STXBP5: variants seen among roughly 807,000 people sequenced by gnomAD.
STXBP5 encodes syntaxin-binding protein 5.
A neutral mutation model predicts 152.4 loss-of-function variants in STXBP5; 50 were observed. That is an observed-to-expected ratio of 0.33 (90% CI 0.26 to 0.42). The LOEUF is 0.42. Among genes scored for constraint, STXBP5 ranks in the 10% least tolerant of loss-of-function variants. STXBP5 has a pLI of 1.00. For synonymous variants in STXBP5, 492 were observed against 494.7 expected (o/e 0.99, Z 0.07); for missense variants, 1,167 against 1,388.6 (o/e 0.84, Z 2.54).
Position 147,364,011 on chromosome 6 carries a change from T to G in STXBP5, c.2926T>G (p.Leu976Val). ...AATTTTTTTCTCAAGTTTGCCAAGT[T>G]TAAGACCTCTGTTGGATGTGTATTA... Reference protein sequence around the residue: ...GHIMTFSLPSLRPLLDVYYLP... With the variant: ...GHIMTFSLPSVRPLLDVYYLP... Residue 976 changes from leucine (L) to valine (V), a missense_variant, in exon 25 of 28, where the codon TTA becomes GTA. Leu to Val is a conservative substitution (Grantham distance 32). Coordinates refer to ENST00000321680, the MANE Select transcript of STXBP5 (RefSeq NM_001127715.4). The G allele has an allele frequency of 1.9e-6, 3 of 1,613,014 alleles. No individual in the cohort carries two copies. The highest frequency in any genetic ancestry group is 2.5e-6 in the Non-Finnish European group (3 of 1,179,790).
intron 9 of STXBP5, among the ~76,000 whole-genome samples, chr6:147,307,309 A>T (rs953270077): frequency 2.0e-5 from 3 of 152,222 alleles, no homozygotes; most frequent in African/African-American, 7.2e-5. Context: ...CTAAAATTCT[A>T]CTTAAAGTAA....
intron 19 of STXBP5, among the ~76,000 whole-genome samples, chr6:147,336,948 A>G (rs558905770): frequency 6.6e-6 from 1 of 152,252 alleles, no homozygotes; most frequent in South Asian, 2.1e-4. Context: ...TTCAGAAATC[A>G]TCATGAGAAA....
chr6:147,216,525 C>T (rs1777176751), intron 2 of STXBP5, among the ~76,000 whole-genome samples: 1 of 152,062 alleles, frequency 6.6e-6, no homozygotes, highest in Admixed American at 6.5e-5. Context: ...TCATTGGAAA[C>T]TGAAATTTTA....
In STXBP5 at chr6:147,386,131, A is replaced by G. The variant is rs1786327568; in HGVS notation, c.*1376A>G. ...CACCTAGTAGATCTAGAAGTAAGCA[A>G]TCTCAGAATACAGACTAATCTGAGA... is the stretch of plus-strand genomic sequence containing the variant. On this transcript the variant is annotated 3_prime_UTR_variant, in exon 28 of 28. Transcript: ENST00000321680. The G allele has an allele frequency of 6.6e-6, 1 of 152,034 alleles. No individual in the cohort carries two copies. Among genetic ancestry groups the G allele is most frequent in the Admixed American group, 6.6e-5 (1 of 15,236 alleles). 9.4% of individuals were successfully genotyped at this position (152,034 alleles called of 1,614,324 possible). A position where few individuals can be genotyped will look rare whatever the true frequency, so the allele number is the denominator to read the frequency against.
chr6:147,219,868 G>A (rs953614846), intron 2 of STXBP5, among the ~76,000 whole-genome samples: 8 of 104,518 alleles, frequency 7.7e-5, no homozygotes, highest in African/African-American at 2.9e-4. Context: ...TTGATCTCCT[G>A]TATTCAGTTT....
In STXBP5 at chr6:147,389,784, C is replaced by A. The variant is rs887746294; in HGVS notation, c.*5029C>A. On this transcript the variant is annotated 3_prime_UTR_variant, in exon 28 of 28. Transcript: ENST00000321680. ...GGAGTTGAAAATACAATCAACATAGCAATGGAAAGCAATGCAAAGAGGGTA... is the reference window on the plus strand; with the variant it reads ...GGAGTTGAAAATACAATCAACATAGAAATGGAAAGCAATGCAAAGAGGGTA... 2.6e-5 allele frequency: 4 copies of A among 151,270 alleles called. No individual in the cohort carries two copies. Among genetic ancestry groups the A allele is most frequent in the Non-Finnish European group, 4.4e-5 (3 of 67,778 alleles). The allele number at this position is 151,270 out of a possible 1,614,324, so 9.4% of individuals were successfully genotyped here.
intron 2 of STXBP5, among the ~76,000 whole-genome samples, chr6:147,206,853 A>G (rs939408529): frequency 2.0e-5 from 3 of 152,054 alleles, no homozygotes; most frequent in Admixed American, 6.6e-5. Context: ...CTCACTTTCT[A>G]TTTTTATGTT....
At chr6:147,272,984 A>G (rs920761341) in intron 7 of STXBP5, among the ~76,000 whole-genome samples, 1 of 152,126 alleles carries the variant, frequency 6.6e-6, no homozygotes, top group African/African-American at 2.4e-5. Context: ...TATTTTCTAC[A>G]GATGATACTT....
intron 5 of STXBP5, among the ~76,000 whole-genome samples, chr6:147,261,559 CAT>C (rs1167315317): frequency 6.6e-6 from 1 of 151,978 alleles, no homozygotes; most frequent in East Asian, 1.9e-4. Context: ...TCTCTTAAGT[CAT>C]GTGTTAGTAT....
intron 16 of STXBP5, among the ~76,000 whole-genome samples, chr6:147,318,391 C>G (rs1782748834): frequency 6.6e-6 from 1 of 152,094 alleles, no homozygotes; most frequent in African/African-American, 2.4e-5. Context: ...ATAGTTAAGG[C>G]AGCAACCAGC....
At chr6:147,242,073 C>T (rs1040715510) in intron 4 of STXBP5, among the ~76,000 whole-genome samples, 1 of 151,508 alleles carries the variant, frequency 6.6e-6, no homozygotes, top group African/African-American at 2.4e-5. Flanking sequence ...TCCCTGAAGA[C>T]CTTCTAGTGG....
At chr6:147,331,273 T>C (rs1783554671) in intron 18 of STXBP5, among the ~76,000 whole-genome samples, 1 of 152,206 alleles carries the variant, frequency 6.6e-6, no homozygotes, top group South Asian at 2.1e-4. Flanking sequence ...CTCAAAAAGA[T>C]AATTTATAGG....
At chr6:147,280,757 A>G (rs1780664122) in intron 8 of STXBP5, among the ~76,000 whole-genome samples, 2 of 152,184 alleles carry the variant, frequency 1.3e-5, no homozygotes, top group Non-Finnish European at 2.9e-5. Flanking sequence ...TTAGCAGAAA[A>G]GGGTCACTAG....
chr6:147,325,498 ATTAAC>A (rs1169391239), intron 17 of STXBP5, among the ~76,000 whole-genome samples: 1 of 152,208 alleles, frequency 6.6e-6, no homozygotes, highest in African/African-American at 2.4e-5. Context: ...TCTACTTCCA[ATTAAC>A]TTGTATAAAT....
intron 21 of STXBP5, among the ~76,000 whole-genome samples, chr6:147,345,875 G>A (rs565589615): frequency 1.3e-5 from 2 of 152,208 alleles, no homozygotes; most frequent in East Asian, 1.9e-4. Flanking sequence ...GTATAACTTC[G>A]TTATTCCTAC....
chr6:147,332,235 A>G (rs1045605186), intron 18 of STXBP5, among the ~76,000 whole-genome samples: 4 of 152,206 alleles, frequency 2.6e-5, no homozygotes, highest in African/African-American at 7.2e-5. Context: ...GCTATGCACC[A>G]TTATAGGCAG....
chr6:147,243,437 C>T (rs189098343), intron 4 of STXBP5, among the ~76,000 whole-genome samples: 1 of 152,222 alleles, frequency 6.6e-6, no homozygotes, highest in African/African-American at 2.4e-5. Flanking sequence ...CTGTTTGTTT[C>T]TTACTGATAA....
At chr6:147,244,383 G>A (rs938591134) in intron 4 of STXBP5, among the ~76,000 whole-genome samples, 35 of 152,190 alleles carry the variant, frequency 2.3e-4, no homozygotes, top group African/African-American at 8.2e-4. Context: ...TGGCTATTAC[G>A]GGTTTTATGC....
intron 23 of STXBP5, among the ~76,000 whole-genome samples, chr6:147,361,119 T>G (rs1214389993): frequency 6.6e-6 from 1 of 152,150 alleles, no homozygotes; most frequent in Non-Finnish European, 1.5e-5. Context: ...TAAAATAAAC[T>G]GGAAAGTTGA....
Sources: gnomAD v4.1 joint callset for allele counts (sites outside exome capture counted in the v4.1 genomes callset) on GRCh38, gnomAD v4.1.1 for gene constraint, MANE v1.5 for transcripts, NCBI Gene and HGNC (gene_info 2026-07-23, HGNC 2026-07-21) for gene names.